TEAD1: variants seen among roughly 807,000 people sequenced by gnomAD.
The protein encoded by TEAD1 is TEA domain transcription factor 1, also known as transcriptional enhancer factor TEF-1.
A neutral mutation model predicts 54.9 loss-of-function variants in TEAD1; 9 were observed. That is an observed-to-expected ratio of 0.16 (90% CI 0.10 to 0.29). The LOEUF is 0.29. Ranked by LOEUF, TEAD1 falls within the 10% of genes least tolerant of loss-of-function variation. The pLI, the probability that TEAD1 is intolerant of heterozygous loss-of-function variation, is 1.00. For synonymous variants in TEAD1, 200 were observed against 187.8 expected (o/e 1.07, Z -0.53); for missense variants, 387 against 535.9 (o/e 0.72, Z 2.74).
At chr11:12,743,558 A>G (rs1590106145) in intron 2 of TEAD1, among the ~76,000 whole-genome samples, 1 of 152,228 alleles carries the variant, frequency 6.6e-6, no homozygotes, top group Non-Finnish European at 1.5e-5. Context: ...TGCTTTGTAG[A>G]GAATAACTTA....
At chr11:12,770,428 G>A (rs943301489) in intron 3 of TEAD1, among the ~76,000 whole-genome samples, 19 of 152,120 alleles carry the variant, frequency 1.2e-4, no homozygotes, top group African/African-American at 4.3e-4. Context: ...AGGAAGATGT[G>A]GATTCATAAA....
chr11:12,890,257 T>A (rs1948171877), intron 9 of TEAD1, among the ~76,000 whole-genome samples: 1 of 152,172 alleles, frequency 6.6e-6, no homozygotes, highest in African/African-American at 2.4e-5. Context: ...AGTTCAAAAG[T>A]TAAAAACAGC....
intron 2 of TEAD1, among the ~76,000 whole-genome samples, chr11:12,715,584 C>T (rs78741385): frequency 0.028 from 4,190 of 152,116 alleles, 197 homozygotes; most frequent in African/African-American, 0.096. Flanking sequence ...GTGATGCAGA[C>T]GGGGCTGCTG....
At position 12,937,291 on chromosome 11, in the gene TEAD1, T is replaced by G; in HGVS notation, c.*69T>G. On this transcript the variant is annotated 3_prime_UTR_variant, in exon 13 of 13. Transcript: ENST00000527636. ...CATATGTGCACACACACACTCTCTCTCCATTATCGAACGACTGACTGTAAA... is the reference window on the plus strand; with the variant it reads ...CATATGTGCACACACACACTCTCTCGCCATTATCGAACGACTGACTGTAAA... The G allele has an allele frequency of 7.8e-7, 1 of 1,275,202 alleles. No homozygotes were observed. The highest frequency in any genetic ancestry group is 1.5e-5 in the African/African-American group (1 of 67,104). The allele number at this position is 1,275,202 out of a possible 1,614,324, so 79.0% of individuals were successfully genotyped here. A position where few individuals can be genotyped will look rare whatever the true frequency, so the allele number is the denominator to read the frequency against.
chr11:12,751,901 C>A (rs1205891482), intron 2 of TEAD1, among the ~76,000 whole-genome samples: 1 of 152,194 alleles, frequency 6.6e-6, no homozygotes, highest in African/African-American at 2.4e-5. Context: ...GCTCAGTGCA[C>A]TTTGGTGGCT....
chr11:12,728,705 G>C (rs1316776258), intron 2 of TEAD1, among the ~76,000 whole-genome samples: 2 of 152,208 alleles, frequency 1.3e-5, no homozygotes, highest in Non-Finnish European at 2.9e-5. Flanking sequence ...TTGCAAGCCT[G>C]TGGTTGATAA....
intron 2 of TEAD1, among the ~76,000 whole-genome samples, chr11:12,721,981 C>A (rs1384572098): frequency 6.6e-6 from 1 of 152,184 alleles, no homozygotes; most frequent in Admixed American, 6.5e-5. Flanking sequence ...GATTCAGGTG[C>A]CTCACTCCTA....
At chr11:12,887,079 T>A (rs192466761) in intron 9 of TEAD1, among the ~76,000 whole-genome samples, 519 of 19,098 alleles carry the variant, frequency 0.027, 3 homozygotes, top group African/African-American at 0.057. Flanking sequence ...GGAAGTTTTT[T>A]TGTTTTTTTT....
intron 3 of TEAD1, among the ~76,000 whole-genome samples, chr11:12,840,246 C>CAAAAAAAAA (rs1176865272): frequency 0.056 from 1,758 of 31,120 alleles, 121 homozygotes; most frequent in Non-Finnish European, 0.07. Context: ...GACTCTGCCT[C>CAAAAAAAAA]AAAAAAAAAA....
At chr11:12,677,523 G>C (rs1257640440) in intron 2 of TEAD1, among the ~76,000 whole-genome samples, 1 of 152,128 alleles carries the variant, frequency 6.6e-6, no homozygotes, top group African/African-American at 2.4e-5. Flanking sequence ...GGAAAAAAAT[G>C]TTCGAGTTTT....
At chr11:12,692,434 C>A (rs1943478718) in intron 2 of TEAD1, among the ~76,000 whole-genome samples, 1 of 152,226 alleles carries the variant, frequency 6.6e-6, no homozygotes, top group African/African-American at 2.4e-5. Flanking sequence ...ATTCTCCACA[C>A]CACTGAGAAG....
chr11:12,933,017 A>G (rs1445078922), intron 12 of TEAD1, among the ~76,000 whole-genome samples: 2 of 152,184 alleles, frequency 1.3e-5, no homozygotes, highest in Non-Finnish European at 2.9e-5. Context: ...CCTAGGAGCA[A>G]TAGGCTACAC....
At chr11:12,862,409 C>CAAAG in intron 4 of TEAD1, 95 bp downstream of exon 4, 2 of 1,139,012 alleles carry the variant, frequency 1.8e-6, no homozygotes, top group Non-Finnish European at 2.6e-6. Flanking sequence ...TCCTAGGAGC[C>CAAAG]CCCAATTTGA....
At chr11:12,830,557 C>G (rs1213212165) in intron 3 of TEAD1, among the ~76,000 whole-genome samples, 2 of 152,104 alleles carry the variant, frequency 1.3e-5, no homozygotes, top group African/African-American at 2.4e-5. Context: ...CCTCCCCACA[C>G]GACACAGCCC....
intron 2 of TEAD1, among the ~76,000 whole-genome samples, chr11:12,755,626 T>A (rs190445638): frequency 1.3e-5 from 2 of 152,334 alleles, no homozygotes; most frequent in Non-Finnish European, 1.5e-5. Flanking sequence ...TTTGCTCTCT[T>A]AAAGCAGGAA....
chr11:12,930,535 T>A (rs1384721820), intron 12 of TEAD1, among the ~76,000 whole-genome samples: 1 of 152,224 alleles, frequency 6.6e-6, no homozygotes, highest in African/African-American at 2.4e-5. Flanking sequence ...GGGTTTTATC[T>A]GGCTGGGGTT....
intron 9 of TEAD1, 92 bp from the exon 10 acceptor site, chr11:12,901,848 T>G: frequency 2.0e-6 from 3 of 1,512,048 alleles, no homozygotes; most frequent in Non-Finnish European, 1.8e-6. Context: ...TCCAGAATTT[T>G]GGTACTACTG....
chr11:12,721,480 T>C (rs1450356190), intron 2 of TEAD1, among the ~76,000 whole-genome samples: 1 of 152,126 alleles, frequency 6.6e-6, no homozygotes, highest in Admixed American at 6.5e-5. Flanking sequence ...GAGCTGACAC[T>C]ATAGTGGGGA....
rs551426002 is a variant in TEAD1 at position 12,752,077 on chromosome 11, C to T, written c.-54-12102C>T. 6.3e-4 allele frequency among the ~76,000 whole-genome samples: 96 copies of T among 152,308 alleles called. 1 individual carries two copies. The highest frequency in any genetic ancestry group is 3.5e-4 in the Non-Finnish European group (24 of 68,034). On this transcript the variant is annotated intron_variant, in intron 2 of 12. Coordinates refer to ENST00000527636, the MANE Select transcript of TEAD1 (RefSeq NM_021961.6). The stretch of plus-strand genomic sequence containing the variant: ...TCACTCTAGAGACAAATCCCATTGG[C>T]TGTTTCTTCTAATAACCCTTCATAT...
Sources: gnomAD v4.1 joint callset for allele counts (sites outside exome capture counted in the v4.1 genomes callset) on GRCh38, gnomAD v4.1.1 for gene constraint, MANE v1.5 for transcripts, NCBI Gene and HGNC (gene_info 2026-07-23, HGNC 2026-07-21) for gene names.